MGMT: variants seen among roughly 807,000 people sequenced by gnomAD.
MGMT encodes O-6-methylguanine-DNA methyltransferase.
Under a neutral mutation model 15.9 loss-of-function variants are expected in MGMT, and 14 were observed. That is an observed-to-expected ratio of 0.88 (90% CI 0.58 to 1.37). The LOEUF (loss-of-function observed/expected upper bound fraction) is 1.37, where lower values mean the gene tolerates loss of function less well. Among genes scored for constraint, MGMT ranks in the 40% most tolerant of loss-of-function variants. The pLI is 0.00. For missense variants in MGMT, 282 were observed against 268.1 expected, an observed-to-expected ratio of 1.05 and a Z score of -0.36; for synonymous variants, 130 against 118.2, an observed-to-expected ratio of 1.10 and a Z score of -0.65.
chr10:129,660,818 T>G (rs1264122405), intron 2 of MGMT, among the ~76,000 whole-genome samples: 1 of 152,086 alleles, frequency 6.6e-6, no homozygotes, highest in Non-Finnish European at 1.5e-5. Context: ...ATGCACAGTT[T>G]GCATAGCCGG....
At chr10:129,730,989 G>T (rs1031125891) in intron 3 of MGMT, among the ~76,000 whole-genome samples, 1 of 152,150 alleles carries the variant, frequency 6.6e-6, no homozygotes, top group Non-Finnish European at 1.5e-5. Flanking sequence ...ATACGCCTCT[G>T]GGGGAGCTTC....
At chr10:129,631,643 C>T (rs773918212) in intron 2 of MGMT, among the ~76,000 whole-genome samples, 28 of 152,168 alleles carry the variant, frequency 1.8e-4, no homozygotes, top group Non-Finnish European at 1.8e-4. Flanking sequence ...GGCAACAAGG[C>T]AAAACCCCGT....
Position 129,556,519 on chromosome 10 carries a change from G to A in MGMT, c.125+20142G>A, listed in dbSNP as rs1034603874. Reference sequence around the variant, plus strand: ...TGCAGCACCCAGGCTGCAGGGCTTCGTCAGGGCAGCCCTGGCGGAAGAACG... The same window carrying A: ...TGCAGCACCCAGGCTGCAGGGCTTCATCAGGGCAGCCCTGGCGGAAGAACG... On this transcript the variant is annotated intron_variant, in intron 2 of 4. Coordinates refer to ENST00000651593, the MANE Select transcript of MGMT (RefSeq NM_002412.5). This position sits in a 1 kb window ranked among gnomAD's most constrained non-coding sequence, Gnocchi z 4.3. Among the ~76,000 whole-genome samples, 42 of 152,152 alleles carry A rather than the reference G, an allele frequency of 2.8e-4. No individual in the cohort carries two copies. Among genetic ancestry groups the A allele is most frequent in the African/African-American group, 9.9e-4 (41 of 41,440 alleles).
intron 2 of MGMT, among the ~76,000 whole-genome samples, chr10:129,684,176 A>G (rs1457879891): frequency 6.6e-6 from 1 of 152,260 alleles, no homozygotes; most frequent in Non-Finnish European, 1.5e-5. Context: ...CCTAGTGTGG[A>G]ATGAGCAAGT....
Position 129,732,595 on chromosome 10 carries a change from T to C in MGMT, c.274+24552T>C, listed in dbSNP as rs1342750658. Among the ~76,000 whole-genome samples the C allele has an allele frequency of 2.6e-5, 4 of 151,818 alleles. No homozygotes were observed. In the East Asian group the frequency reaches 7.8e-4, roughly 30 times the overall value. On this transcript the variant is annotated intron_variant, in intron 3 of 4. Coordinates refer to ENST00000651593, the MANE Select transcript of MGMT (RefSeq NM_002412.5). ...ATTATACTTTAAGTTTTAGGGTGCA[T>C]GTGCATAATGTGCAGGTTAGTTACA...
intron 2 of MGMT, among the ~76,000 whole-genome samples, chr10:129,706,964 T>C (rs1286570215): frequency 6.6e-6 from 1 of 151,780 alleles, no homozygotes; most frequent in Admixed American, 6.6e-5. Context: ...GAGGAGAGTG[T>C]CCAGAAAGAA....
intron 1 of MGMT, among the ~76,000 whole-genome samples, chr10:129,514,632 G>C (rs1845718381): frequency 6.7e-6 from 1 of 150,078 alleles, no homozygotes; most frequent in Non-Finnish European, 1.5e-5. Flanking sequence ...GTAAGTTGTT[G>C]GTATTAAGAG....
intron 2 of MGMT, among the ~76,000 whole-genome samples, chr10:129,563,033 T>C (rs1052211632): frequency 1.3e-5 from 2 of 152,214 alleles, no homozygotes; most frequent in African/African-American, 4.8e-5. Context: ...GTCACCACTT[T>C]ATTATAAAAT....
At chr10:129,646,741 TATATATATA>T (rs1564747229) in intron 2 of MGMT, among the ~76,000 whole-genome samples, 2 of 106,978 alleles carry the variant, frequency 1.9e-5, no homozygotes, top group African/African-American at 7.8e-5. Context: ...TATATATATA[TATATATATA>T]TATATTTTCA....
At chr10:129,690,651 A>G (rs549746017) in intron 2 of MGMT, among the ~76,000 whole-genome samples, 1 of 152,220 alleles carries the variant, frequency 6.6e-6, no homozygotes, top group Admixed American at 6.5e-5. Context: ...CGTGGGTGCC[A>G]TGCACTTGTC....
At chr10:129,552,196 C>T (rs1846164683) in intron 2 of MGMT, among the ~76,000 whole-genome samples, 1 of 152,244 alleles carries the variant, frequency 6.6e-6, no homozygotes, top group South Asian at 2.1e-4. Flanking sequence ...CCGCTCATGG[C>T]CGAGCGCCCC....
rs56358156 is a variant in MGMT at position 129,766,659 on chromosome 10, C to G, written c.415-129C>G. The G allele has an allele frequency of 3.1e-4, 250 of 800,358 alleles. No individual in the cohort carries two copies. The East Asian group carries it at 6.6e-3, about 21-fold the overall frequency. The allele number at this position is 800,358 out of a possible 1,614,324, so 49.6% of individuals were successfully genotyped here. ...CATAGCTGACACCCACCCATGCCAA[C>G]AGCCTGCCCCTGGCACAGGCCCCTG... On this transcript the variant is annotated intron_variant, in intron 4 of 4. Transcript: ENST00000651593.
chr10:129,612,708 A>G (rs1846975779), intron 2 of MGMT, among the ~76,000 whole-genome samples: 1 of 152,240 alleles, frequency 6.6e-6, no homozygotes, highest in African/African-American at 2.4e-5. Context: ...GCAGCACTTA[A>G]CCAGGGCACT....
chr10:129,731,278 T>G (rs1274281760), intron 3 of MGMT, among the ~76,000 whole-genome samples: 1 of 151,844 alleles, frequency 6.6e-6, no homozygotes, highest in South Asian at 2.1e-4. Context: ...CTCTTTAAGA[T>G]GATTGACGAC....
At position 129,516,552 on chromosome 10, in the gene MGMT, A is replaced by G. The variant is rs144946121; in HGVS notation, c.-12-19689A>G. 4.8e-3 allele frequency among the ~76,000 whole-genome samples: 730 copies of G among 152,346 alleles called. 4 individuals carry two copies. The highest frequency in any genetic ancestry group is 8.0e-3 in the Non-Finnish European group (544 of 68,036). ...CCAGGTGAGCTGCTATAGAAGCAGA[A>G]TCAAAACCGTGTAGCACGTTGCCTT... On this transcript the variant is annotated intron_variant, in intron 1 of 4. Coordinates refer to ENST00000651593, the MANE Select transcript of MGMT (RefSeq NM_002412.5).
chr10:129,587,595 T>A (rs1207108098), intron 2 of MGMT, among the ~76,000 whole-genome samples: 1 of 151,600 alleles, frequency 6.6e-6, no homozygotes, highest in African/African-American at 2.4e-5. Context: ...GTTCAAGTGA[T>A]TCCCTGTCTC....
intron 2 of MGMT, among the ~76,000 whole-genome samples, chr10:129,544,082 G>A (rs1229808797): frequency 2.0e-5 from 3 of 152,116 alleles, no homozygotes; most frequent in Non-Finnish European, 4.4e-5. Flanking sequence ...AAGAGTCATT[G>A]GGCTTCACCT....
chr10:129,557,690 G>A (rs1285691176), intron 2 of MGMT, among the ~76,000 whole-genome samples: 1 of 152,128 alleles, frequency 6.6e-6, no homozygotes, highest in African/African-American at 2.4e-5. Context: ...AGCTAGAACA[G>A]GAACCCATTA....
At chr10:129,592,816 A>G (rs1846704227) in intron 2 of MGMT, among the ~76,000 whole-genome samples, 1 of 151,830 alleles carries the variant, frequency 6.6e-6, no homozygotes, top group African/African-American at 2.4e-5. Context: ...TTTTTTTGGA[A>G]AAATGGTTAT....
Sources: gnomAD v4.1 joint callset for allele counts (sites outside exome capture counted in the v4.1 genomes callset) on GRCh38, gnomAD v4.1.1 for gene constraint, Gnocchi (gnomAD v3.1) non-coding constraint, MANE v1.5 for transcripts, NCBI Gene and HGNC (gene_info 2026-07-23, HGNC 2026-07-21) for gene names.